CNBD1: variants seen among roughly 807,000 people sequenced by gnomAD.
CNBD1 encodes the protein cyclic nucleotide-binding domain-containing protein 1.
Under a neutral mutation model 54.4 loss-of-function variants are expected in CNBD1, and 71 were observed. The ratio of observed to expected loss-of-function variants is 1.30; its 90% confidence interval spans 1.08 to 1.59. CNBD1 has a LOEUF of 1.59. CNBD1 is among the 40% of genes most tolerant of loss of function. CNBD1 has a pLI of 0.00. For missense variants in CNBD1, 659 were observed against 518.0 expected, an observed-to-expected ratio of 1.27 and a Z score of -2.64; for synonymous variants, 182 against 170.7, an observed-to-expected ratio of 1.07 and a Z score of -0.51.
chr8:86,915,686 A>G (rs1047036911), intron 3 of CNBD1, among the ~76,000 whole-genome samples: 4 of 152,184 alleles, frequency 2.6e-5, no homozygotes, highest in Non-Finnish European at 5.9e-5. Flanking sequence ...CTTTCCAGAC[A>G]AGATGTGTAA....
chr8:87,293,731 C>T (rs1808825609), intron 8 of CNBD1, among the ~76,000 whole-genome samples: 1 of 152,086 alleles, frequency 6.6e-6, no homozygotes, highest in Non-Finnish European at 1.5e-5. Flanking sequence ...ATCTCATGGA[C>T]ATATATATTA....
intron 4 of CNBD1, among the ~76,000 whole-genome samples, chr8:87,162,461 AT>A (rs1319075741): frequency 1.4e-4 from 22 of 151,996 alleles, no homozygotes; most frequent in Admixed American, 7.2e-4. Context: ...CATAAAGTTT[AT>A]TTTTTAATTT....
intron 4 of CNBD1, among the ~76,000 whole-genome samples, chr8:86,948,636 G>A (rs1394643192): frequency 1.3e-5 from 2 of 152,004 alleles, no homozygotes; most frequent in Non-Finnish European, 2.9e-5. Context: ...AGTTTTTTGA[G>A]CTTCTTATCT....
intron 2 of CNBD1, among the ~76,000 whole-genome samples, chr8:87,397,408 G>A (rs981567114): frequency 6.6e-6 from 1 of 151,882 alleles, no homozygotes; most frequent in Non-Finnish European, 1.5e-5. Context: ...TTGTAAGAGT[G>A]AAATCAGTGC....
intron 4 of CNBD1, among the ~76,000 whole-genome samples, chr8:86,983,471 G>A (rs1453968224): frequency 2.0e-5 from 3 of 152,190 alleles, no homozygotes; most frequent in African/African-American, 7.2e-5. Flanking sequence ...ACAGGCAGAG[G>A]TTGAAACAGT....
chr8:87,273,955 G>A (rs1424805518), intron 6 of CNBD1, among the ~76,000 whole-genome samples: 20 of 128,500 alleles, frequency 1.6e-4, no homozygotes, highest in Non-Finnish European at 3.1e-4. Context: ...CCAGAGTGAT[G>A]TTCCCCTTCC....
intron 2 of CNBD1, among the ~76,000 whole-genome samples, chr8:87,427,857 A>G (rs918207609): frequency 2.0e-5 from 3 of 152,080 alleles, no homozygotes; most frequent in South Asian, 2.1e-4. Context: ...TTATAATTCA[A>G]TAAAACCTCA....
At chr8:87,017,435 C>G (rs1809378573) in intron 4 of CNBD1, among the ~76,000 whole-genome samples, 1 of 152,074 alleles carries the variant, frequency 6.6e-6, no homozygotes, top group Non-Finnish European at 1.5e-5. Flanking sequence ...AATGACTGAG[C>G]TAGAGAATTT....
rs187096844 is a variant in CNBD1 at position 87,242,756 on chromosome 8, C to T, written c.771+5644C>T. Among the ~76,000 whole-genome samples, 15 of 152,308 alleles carry T rather than the reference C, an allele frequency of 9.8e-5. No homozygotes were observed. The East Asian group carries it at 2.9e-3, about 29-fold the overall frequency. On this transcript the variant is annotated intron_variant, in intron 6 of 10. Coordinates refer to ENST00000518476, the MANE Select transcript of CNBD1 (RefSeq NM_173538.3). ...TTGTGCCACAGTCATTTATATTTGG[C>T]TCAGAATAAATCACTTCAAATATCT...
intron 1 of CNBD1, among the ~76,000 whole-genome samples, chr8:86,882,554 C>T (rs557160786): frequency 3.3e-5 from 5 of 152,214 alleles, no homozygotes; most frequent in African/African-American, 1.2e-4. Context: ...AAAAAGAACA[C>T]TTACACCCTG....
At chr8:87,219,372 C>T (rs1232322606) in intron 5 of CNBD1, among the ~76,000 whole-genome samples, 1 of 152,008 alleles carries the variant, frequency 6.6e-6, no homozygotes. Context: ...AGGTCCTCTA[C>T]ATGTGGACGT....
intron 4 of CNBD1, among the ~76,000 whole-genome samples, chr8:87,091,062 C>G (rs1811193383): frequency 6.7e-6 from 1 of 149,620 alleles, no homozygotes; most frequent in African/African-American, 2.5e-5. Context: ...ATCACTTGAA[C>G]TCAGGAGGTA....
chr8:87,124,702 A>G (rs1367022450), intron 4 of CNBD1, among the ~76,000 whole-genome samples: 7 of 151,784 alleles, frequency 4.6e-5, no homozygotes, highest in African/African-American at 1.7e-4. Flanking sequence ...ATCATTCTCA[A>G]TGGTGAGAAG....
At chr8:86,895,732 C>T (rs1808838961) in intron 2 of CNBD1, among the ~76,000 whole-genome samples, 1 of 152,092 alleles carries the variant, frequency 6.6e-6, no homozygotes, top group Non-Finnish European at 1.5e-5. Flanking sequence ...CTAATTTCCA[C>T]CTGTATGTCT....
chr8:87,390,951 T>G (rs1465443406), intron 2 of CNBD1, among the ~76,000 whole-genome samples: 1 of 152,096 alleles, frequency 6.6e-6, no homozygotes, highest in Non-Finnish European at 1.5e-5. Flanking sequence ...GGGAGATGGA[T>G]GAAGCTGGAA....
intron 4 of CNBD1, among the ~76,000 whole-genome samples, chr8:86,986,717 G>A (rs141030612): frequency 2.0e-5 from 3 of 152,216 alleles, no homozygotes; most frequent in East Asian, 3.9e-4. Flanking sequence ...GTCCAACTTT[G>A]TTCTTCTGCT....
chr8:87,397,829 G>T (rs1403782066), intron 2 of CNBD1, among the ~76,000 whole-genome samples: 1 of 151,968 alleles, frequency 6.6e-6, no homozygotes, highest in Non-Finnish European at 1.5e-5. Flanking sequence ...ATGGGGGCAG[G>T]TCTTTCCCAT....
intron 4 of CNBD1, among the ~76,000 whole-genome samples, chr8:87,162,058 A>G (rs927650028): frequency 4.6e-5 from 7 of 152,112 alleles, no homozygotes; most frequent in African/African-American, 1.7e-4. Flanking sequence ...GGGACTCTTC[A>G]TGGAGTCCAG....
At chr8:87,350,693 A>G (rs1299811811) in intron 8 of CNBD1, among the ~76,000 whole-genome samples, 1 of 152,062 alleles carries the variant, frequency 6.6e-6, no homozygotes, top group Admixed American at 6.6e-5. Flanking sequence ...AAATTATGAT[A>G]AAGTTGTATA....
Sources: allele counts gnomAD v4.1 joint callset (sites outside exome capture counted in the v4.1 genomes callset), GRCh38; gene constraint gnomAD v4.1.1; transcripts MANE v1.5; gene names NCBI Gene and HGNC (gene_info 2026-07-23, HGNC 2026-07-21).